Variants in SLC24A3 observed in about 807,000 individuals in gnomAD.
SLC24A3 encodes sodium/potassium/calcium exchanger 3.
A neutral mutation model predicts 75.8 loss-of-function variants in SLC24A3; 28 were observed. The observed-to-expected ratio is 0.37, with a 90% CI of 0.27 to 0.51. The LOEUF is 0.51. SLC24A3 is among the 20% of genes least tolerant of loss of function. The pLI is 0.94. For synonymous variants in SLC24A3, 372 were observed against 334.1 expected (o/e 1.11, Z -1.24); for missense variants, 663 against 847.8 (o/e 0.78, Z 2.71).
intron 9 of SLC24A3, among the ~76,000 whole-genome samples, chr20:19,680,034 T>C (rs2032592774): frequency 6.6e-6 from 1 of 151,454 alleles, no homozygotes; most frequent in Admixed American, 6.6e-5. Context: ...TGTGTGTGCA[T>C]GACTGGGCAT....
intron 6 of SLC24A3, among the ~76,000 whole-genome samples, chr20:19,592,052 AT>A (rs2031385507): frequency 2.6e-5 from 4 of 152,316 alleles, no homozygotes; most frequent in African/African-American, 9.6e-5. Flanking sequence ...TGGCTAAACC[AT>A]TTGTATTTCC....
chr20:19,233,077 C>T (rs1014371425), intron 1 of SLC24A3, among the ~76,000 whole-genome samples: 4 of 152,218 alleles, frequency 2.6e-5, no homozygotes, highest in Admixed American at 2.6e-4. Context: ...CTTATCTTCT[C>T]TTCTTGACAG....
In SLC24A3 at chr20:19,559,548, G is replaced by C. The variant is rs368356540; in HGVS notation, c.349-20452G>C. Among the ~76,000 whole-genome samples, 72 of 151,964 alleles carry C rather than the reference G, an allele frequency of 4.7e-4. No homozygotes were observed. In the Middle Eastern group the frequency reaches 0.01, roughly 22 times the overall value. The stretch of plus-strand genomic sequence containing the variant: ...TTCATTTTCCTTTTGTGTGTTCTAT[G>C]TAATAAATCATTGTGTAACCCAAGG... On this transcript the variant is annotated intron_variant, in intron 3 of 16. Coordinates refer to ENST00000328041, the MANE Select transcript of SLC24A3 (RefSeq NM_020689.4).
intron 2 of SLC24A3, among the ~76,000 whole-genome samples, chr20:19,430,690 A>G (rs1036779141): frequency 1.6e-4 from 25 of 152,140 alleles, no homozygotes; most frequent in African/African-American, 3.1e-4. Context: ...ACACATTTGT[A>G]TATGTGCACA....
At chr20:19,720,877 TG>T in intron 16 of SLC24A3, 113 bp from the exon 17 acceptor site, 1 of 1,206,022 alleles carries the variant, frequency 8.3e-7, no homozygotes, top group Non-Finnish European at 1.2e-6. Context: ...ATCAGCACCC[TG>T]CCCGAGGCCC....
At chr20:19,604,885 C>T (rs2122656822) in intron 6 of SLC24A3, among the ~76,000 whole-genome samples, 1 of 152,292 alleles carries the variant, frequency 6.6e-6, no homozygotes, top group East Asian at 1.9e-4. Flanking sequence ...GGTGGTCAGG[C>T]TTAACCGCCT....
At chr20:19,613,051 C>T (rs2031691549) in intron 6 of SLC24A3, among the ~76,000 whole-genome samples, 1 of 152,196 alleles carries the variant, frequency 6.6e-6, no homozygotes, top group Admixed American at 6.5e-5. Flanking sequence ...TTCTCTTCCT[C>T]ATGACTTTCC....
Position 19,649,595 on chromosome 20 carries a change from T to G in SLC24A3, c.613-4467T>G, listed in dbSNP as rs1000393189. On this transcript the variant is annotated intron_variant, in intron 6 of 16. Coordinates refer to ENST00000328041, the MANE Select transcript of SLC24A3 (RefSeq NM_020689.4). Reference sequence around the variant, plus strand: ...AGCTGTGGTCACTGTTTTTTGTTTTTTTTGTTTGTTTGTTTTTGTCTCTCA... The same window carrying G: ...AGCTGTGGTCACTGTTTTTTGTTTTGTTTGTTTGTTTGTTTTTGTCTCTCA... Among the ~76,000 whole-genome samples the G allele has an allele frequency of 5.9e-5, 9 of 152,342 alleles. No homozygotes were observed. In the South Asian group the frequency reaches 1.4e-3, roughly 25 times the overall value.
intron 2 of SLC24A3, among the ~76,000 whole-genome samples, chr20:19,431,443 C>G (rs576215426): frequency 6.6e-6 from 1 of 152,186 alleles, no homozygotes; most frequent in South Asian, 2.1e-4. Flanking sequence ...CAGAGCATCA[C>G]TGAGTCCTTG....
At chr20:19,296,036 C>T (rs1471464320) in intron 2 of SLC24A3, among the ~76,000 whole-genome samples, 2 of 152,080 alleles carry the variant, frequency 1.3e-5, no homozygotes, top group Admixed American at 1.3e-4. Flanking sequence ...GATTTCAGAA[C>T]TTGTTATTGG....
At chr20:19,244,268 T>A (rs1184119074) in intron 1 of SLC24A3, 1 of 152,186 alleles carries the variant, frequency 6.6e-6, no homozygotes, top group Non-Finnish European at 1.5e-5. Flanking sequence ...ACGTGCCTGG[T>A]AGGGCTACAA....
chr20:19,550,486 TC>T (rs2030673995), intron 3 of SLC24A3, among the ~76,000 whole-genome samples: 1 of 152,166 alleles, frequency 6.6e-6, no homozygotes, highest in Non-Finnish European at 1.5e-5. Flanking sequence ...AAAGAATAGT[TC>T]TACCTTCTTG....
At chr20:19,599,099 A>G (rs1251575799) in intron 6 of SLC24A3, among the ~76,000 whole-genome samples, 1 of 152,168 alleles carries the variant, frequency 6.6e-6, no homozygotes, top group Non-Finnish European at 1.5e-5. Context: ...TCTTCATTGT[A>G]CATATGAGAA....
At chr20:19,425,315 A>AT (rs1555792569) in intron 2 of SLC24A3, among the ~76,000 whole-genome samples, 2 of 151,048 alleles carry the variant, frequency 1.3e-5, no homozygotes, top group African/African-American at 4.9e-5. Context: ...AAAAAAAAAA[A>AT]TTAATTACTG....
intron 1 of SLC24A3, among the ~76,000 whole-genome samples, chr20:19,239,383 C>T (rs572768235): frequency 3.9e-5 from 6 of 152,348 alleles, no homozygotes; most frequent in South Asian, 2.1e-4. Context: ...GCAGCCTCTC[C>T]AGGCACCCCC....
At chr20:19,514,596 G>C (rs990306948) in intron 2 of SLC24A3, among the ~76,000 whole-genome samples, 2 of 152,204 alleles carry the variant, frequency 1.3e-5, no homozygotes, top group African/African-American at 4.8e-5. Context: ...CAAAGGAGCC[G>C]TGGATTCCTA....
At chr20:19,625,391 G>A (rs1378687240) in intron 6 of SLC24A3, among the ~76,000 whole-genome samples, 1 of 152,196 alleles carries the variant, frequency 6.6e-6, no homozygotes. Context: ...TTTGGAAGAT[G>A]TATTTCCTTC....
intron 2 of SLC24A3, among the ~76,000 whole-genome samples, chr20:19,494,586 G>T (rs77348227): frequency 0.1 from 15,197 of 152,124 alleles, 814 homozygotes; most frequent in Admixed American, 0.1. Flanking sequence ...TGGGAGTTTG[G>T]GGGTGCACAT....
intron 12 of SLC24A3, among the ~76,000 whole-genome samples, chr20:19,687,560 C>T (rs1052598386): frequency 1.3e-5 from 2 of 152,162 alleles, no homozygotes; most frequent in South Asian, 2.1e-4. Context: ...ATGCTTATTT[C>T]GCTAAAATCT....
Sources: allele counts gnomAD v4.1 joint callset (sites outside exome capture counted in the v4.1 genomes callset), GRCh38; gene constraint gnomAD v4.1.1; transcripts MANE v1.5; gene names NCBI Gene and HGNC (gene_info 2026-07-23, HGNC 2026-07-21).